SMIM27: variants seen among roughly 807,000 people sequenced by gnomAD.
SMIM27 encodes TOPORS antisense RNA 1 (non-protein coding).
Under a neutral mutation model 1.8 loss-of-function variants are expected in SMIM27, and 3 were observed. The observed-to-expected ratio is 1.65, with a 90% CI of 0.75 to 4.28. SMIM27 has a LOEUF of 4.28. SMIM27 is among the 30% of genes most tolerant of loss of function. The pLI, the probability that SMIM27 is intolerant of heterozygous loss-of-function variation, is 0.02. For missense variants in SMIM27, 63 were observed against 37.0 expected, an observed-to-expected ratio of 1.70 and a Z score of -1.83; for synonymous variants, 19 against 13.9, an observed-to-expected ratio of 1.37 and a Z score of -0.82.
upstream of SMIM27, chr9:32,551,257 G>A (rs1353202400): frequency 4.0e-5 from 23 of 569,126 alleles, no homozygotes; most frequent in Middle Eastern, 4.7e-4. Context: ...CGGAAAACAC[G>A]AGAACTAGTT....
intron 1 of SMIM27, among the ~76,000 whole-genome samples, chr9:32,564,186 A>G (rs1821710528): frequency 6.6e-6 from 1 of 152,194 alleles, no homozygotes; most frequent in African/African-American, 2.4e-5. Flanking sequence ...AGGTCTATCA[A>G]TACATTTTAA....
intron 1 of SMIM27, among the ~76,000 whole-genome samples, chr9:32,564,202 A>G (rs1325051669): frequency 6.6e-6 from 1 of 152,224 alleles, no homozygotes; most frequent in Non-Finnish European, 1.5e-5. Flanking sequence ...TTTAAAAACC[A>G]TGAGTTCACA....
rs760399583 is a variant in SMIM27 at position 32,552,352 on chromosome 9, G to GCGCCTGGCAGCCAC, written c.-75_-62dup. 6.4e-7 allele frequency: 1 copy of GCGCCTGGCAGCCAC among 1,565,144 alleles called. No individual in the cohort carries two copies. The highest frequency in any genetic ancestry group is 8.7e-7 in the Non-Finnish European group (1 of 1,151,768). ...GTGCCCGGCTAAAAGATGGCTGCTG[G>GCGCCTGGCAGCCAC]CGCCTGGCAGCCACCGCCTGGGAGG... On this transcript the variant is annotated 5_prime_UTR_variant, in exon 1 of 2. It removes the in-frame stop codon of an upstream open reading frame in the 5' UTR. Transcript: ENST00000692500.
intron 1 of SMIM27, among the ~76,000 whole-genome samples, chr9:32,564,715 C>T (rs1821728823): frequency 1.3e-5 from 2 of 152,208 alleles, no homozygotes; most frequent in Admixed American, 1.3e-4. Context: ...CTGACATGAG[C>T]TCCATATTAT....
downstream of SMIM27, among the ~76,000 whole-genome samples, chr9:32,554,821 G>A (rs901623114): frequency 1.9e-4 from 29 of 152,164 alleles, no homozygotes; most frequent in African/African-American, 7.0e-4. Context: ...TGGTAGCAAA[G>A]ATAAAGATGG....
rs1190856085 is a variant in SMIM27, at chr9:32,552,466, G to T, written c.32G>T (p.Trp11Leu). The T allele has an allele frequency of 6.2e-7, 1 of 1,600,306 alleles. No homozygotes were observed. The highest frequency in any genetic ancestry group is 1.1e-5 in the South Asian group (1 of 88,950). MKPVSRRTLD[W>L]IYSVLLLAIV... ...CCAGTAAGTCGTCGCACGCTGGACT[G>T]GATTTATTCAGTGGTAAGTCCCGGG... The change falls in exon 1 of 2, where the codon TGG becomes TTG. Residue 11 changes from tryptophan (W) to leucine (L), a missense_variant. Coordinates refer to ENST00000692500, the MANE Select transcript of SMIM27 (RefSeq NM_001387564.1).
rs911227709 is a variant in SMIM27 at position 32,566,239 on chromosome 9, T to G, written c.46-152T>G. On this transcript the variant is annotated intron_variant, in intron 1 of 1. Transcript: ENST00000451672. ...GTCATAGCTGGTTTTGTGGGTGGTTTTCTTATGGCAGACAACACTAATTTT... is the reference window on the plus strand; with the variant it reads ...GTCATAGCTGGTTTTGTGGGTGGTTGTCTTATGGCAGACAACACTAATTTT... The G allele has an allele frequency of 2.0e-5, 20 of 981,548 alleles. 1 individual carries two copies. Among genetic ancestry groups the G allele is most frequent in the Non-Finnish European group, 2.5e-5 (15 of 607,320 alleles). The allele number at this position is 981,548 out of a possible 1,614,324, so 60.8% of individuals were successfully genotyped here.
At chr9:32,556,528 T>G (rs1821459659), downstream of SMIM27, among the ~76,000 whole-genome samples, 2 of 152,204 alleles carry the variant, frequency 1.3e-5, no homozygotes, top group African/African-American at 4.8e-5. Flanking sequence ...TGTCCTATTC[T>G]AAACATATAT....
rs1563988349 is a variant in SMIM27, at chr9:32,552,352, G to A, written c.-83G>A. 6.4e-7 allele frequency: 1 copy of A among 1,565,144 alleles called. No homozygotes were observed. On this transcript the variant is annotated 5_prime_UTR_variant, in exon 1 of 2. Transcript: ENST00000692500. ...GTGCCCGGCTAAAAGATGGCTGCTG[G>A]CGCCTGGCAGCCACCGCCTGGGAGG...
At chr9:32,551,283 C>T, upstream of SMIM27, 1 of 529,950 alleles carries the variant, frequency 1.9e-6, no homozygotes, top group Non-Finnish European at 3.4e-6. Context: ...TCGTTTCAAC[C>T]TTACCAAACT....
At chr9:32,553,362 T>A (rs145764322), downstream of SMIM27, 498 of 168,490 alleles carry the variant, frequency 3.0e-3, 1 homozygote, top group Non-Finnish European at 5.0e-3. Flanking sequence ...CTAATTTTTT[T>A]GTATTTTTAG....
upstream of SMIM27, chr9:32,551,314 A>C: frequency 2.2e-6 from 1 of 450,020 alleles, no homozygotes; most frequent in Non-Finnish European, 4.2e-6. Context: ...TTAGGAAATT[A>C]TCTTTAGTGT....
intron 1 of SMIM27, among the ~76,000 whole-genome samples, chr9:32,561,546 C>T (rs1336836034): frequency 6.6e-6 from 1 of 152,070 alleles, no homozygotes; most frequent in Admixed American, 6.6e-5. Context: ...CCAGGCTGGT[C>T]TCGAACCTCT....
At chr9:32,563,688 T>C (rs886774859) in intron 1 of SMIM27, among the ~76,000 whole-genome samples, 2 of 152,152 alleles carry the variant, frequency 1.3e-5, no homozygotes, top group Non-Finnish European at 2.9e-5. Context: ...TCTCAAATGG[T>C]AATTTTTCTA....
At chr9:32,556,750 G>A (rs1223347849), downstream of SMIM27, among the ~76,000 whole-genome samples, 1 of 151,074 alleles carries the variant, frequency 6.6e-6, no homozygotes, top group Non-Finnish European at 1.5e-5. Flanking sequence ...AAATTGCCCA[G>A]CTGGAAAAAC....
intron 1 of SMIM27, chr9:32,566,193 G>T: frequency 1.3e-6 from 1 of 759,060 alleles, no homozygotes; most frequent in South Asian, 1.5e-5. Flanking sequence ...ACCTTGTCTG[G>T]GGTTTGTAGA....
downstream of SMIM27, among the ~76,000 whole-genome samples, chr9:32,554,967 TG>T (rs1821415611): frequency 6.6e-6 from 1 of 152,158 alleles, no homozygotes; most frequent in Non-Finnish European, 1.5e-5. Context: ...TTGGGATCCT[TG>T]GATGCCTTGG....
chr9:32,556,128 C>G (rs886774116), downstream of SMIM27, among the ~76,000 whole-genome samples: 3 of 152,136 alleles, frequency 2.0e-5, no homozygotes, highest in African/African-American at 7.2e-5. Context: ...GGATTTCTCC[C>G]TAAGGAGAGA....
intron 1 of SMIM27, chr9:32,565,291 C>CA (rs373202494): frequency 0.22 from 29,832 of 136,458 alleles, 3,158 homozygotes; most frequent in Non-Finnish European, 0.26. Context: ...GACCCTGTCT[C>CA]AAAAAAAAAA....
Sources: allele counts gnomAD v4.1 joint callset (sites outside exome capture counted in the v4.1 genomes callset), GRCh38; gene constraint gnomAD v4.1.1; transcripts MANE v1.5; gene names NCBI Gene and HGNC (gene_info 2026-07-23, HGNC 2026-07-21).